SETD5: variants seen among roughly 807,000 people sequenced by gnomAD.
SETD5 encodes SET domain containing 5.
Under a neutral mutation model 153.3 loss-of-function variants are expected in SETD5, and 44 were observed. The ratio of observed to expected loss-of-function variants is 0.29; its 90% CI spans 0.23 to 0.37. The LOEUF is 0.37. Ranked by LOEUF, SETD5 falls within the 10% of genes least tolerant of loss-of-function variation. The pLI, the probability that SETD5 is intolerant of heterozygous loss-of-function variation, is 1.00. For missense variants in SETD5, 1,544 were observed against 1,768.0 expected (o/e 0.87, Z 2.27); for synonymous variants, 716 against 645.2 (o/e 1.11, Z -1.66).
chr3:9,445,965 G>GGTTTTTTTTTTTTTTT (rs2041907619), intron 13 of SETD5, among the ~76,000 whole-genome samples: 1 of 86,476 alleles, frequency 1.2e-5, no homozygotes, highest in African/African-American at 4.7e-5. Context: ...TGAAGAGGTT[G>GGTTTTTTTTTTTTTTT]TTTTTTTTTT....
At chr3:9,415,014 T>C (rs1415871512) in intron 1 of SETD5, among the ~76,000 whole-genome samples, 2 of 152,204 alleles carry the variant, frequency 1.3e-5, no homozygotes, top group African/African-American at 4.8e-5. Context: ...CTCTGTTTAG[T>C]GCTAGAATTC....
Position 9,434,570 on chromosome 3 carries a change from T to G in SETD5, c.329+85T>G. ...GTAGGGAAAAGCTCAAAGTATTCTT[T>G]CTTGTGTTTGTTAATGTAGATGATT... On this transcript the variant is annotated intron_variant, in intron 5 of 22. Transcript: ENST00000402198. The surrounding 1 kb of genome is among the most constrained non-coding windows in gnomAD (Gnocchi z 5.6). 1 of 1,575,996 alleles carries G rather than the reference T, an allele frequency of 6.3e-7. No individual in the cohort carries two copies. The highest frequency in any genetic ancestry group is 8.6e-7 in the Non-Finnish European group (1 of 1,160,682).
chr3:9,477,140 A>T lies in SETD5; in HGVS notation c.*1049A>T, dbSNP rs1016230306. On this transcript the variant is annotated 3_prime_UTR_variant, in exon 23 of 23. Coordinates refer to ENST00000402198, the MANE Select transcript of SETD5 (RefSeq NM_001080517.3). ...GTGATTGTGTGTGGGCCTGCCCCAC[A>T]TTTCTCTGGGGGATGCTTATGTGAG... 1.3e-5 allele frequency: 2 copies of T among 152,642 alleles called. No homozygotes were observed. Among genetic ancestry groups the T allele is most frequent in the Non-Finnish European group, 2.9e-5 (2 of 68,082 alleles). 9.5% of individuals were successfully genotyped at this position (152,642 alleles called of 1,614,324 possible). A position where few individuals can be genotyped will look rare whatever the true frequency, so the allele number is the denominator to read the frequency against.
At chr3:9,433,450 G>A in intron 3 of SETD5, 3 of 1,289,920 alleles carry the variant, frequency 2.3e-6, no homozygotes, top group Non-Finnish European at 3.0e-6. Context: ...CTCACTCACT[G>A]CAAATGTCAT....
intron 1 of SETD5, among the ~76,000 whole-genome samples, chr3:9,412,333 C>T (rs2036688212): frequency 6.7e-6 from 1 of 149,890 alleles, no homozygotes; most frequent in African/African-American, 2.4e-5. Context: ...AGTTATCTTC[C>T]CTTTTCCCCC....
At chr3:9,451,764 C>A (rs981084065) in intron 16 of SETD5, among the ~76,000 whole-genome samples, 5 of 152,160 alleles carry the variant, frequency 3.3e-5, no homozygotes, top group Non-Finnish European at 7.3e-5. Flanking sequence ...AAGTGTCAAG[C>A]CAGGGCTTCT....
intron 17 of SETD5, among the ~76,000 whole-genome samples, chr3:9,462,058 T>C (rs1457640590): frequency 6.6e-6 from 1 of 152,182 alleles, no homozygotes; most frequent in Non-Finnish European, 1.5e-5. Context: ...TTCAATAATT[T>C]TTTGCATTTA....
chr3:9,414,402 T>C (rs1575226206), intron 1 of SETD5, among the ~76,000 whole-genome samples: 1 of 149,226 alleles, frequency 6.7e-6, no homozygotes, highest in Non-Finnish European at 1.5e-5. Flanking sequence ...TGTGTGTTGT[T>C]GTTGTTAAGA....
chr3:9,416,423 G>A (rs2037473846), intron 1 of SETD5, among the ~76,000 whole-genome samples: 1 of 152,146 alleles, frequency 6.6e-6, no homozygotes, highest in South Asian at 2.1e-4. Context: ...TGTCGCAGCT[G>A]TGGGTCATGT....
In SETD5 at chr3:9,448,582, A is replaced by G; in HGVS notation, c.2298A>G (p.Arg766=). The G allele has an allele frequency of 6.2e-7, 1 of 1,610,918 alleles. No homozygotes were observed. The highest frequency in any genetic ancestry group is 8.5e-7 in the Non-Finnish European group (1 of 1,177,808). ...TTGGCTCACCCTTTATCCCTGAGAGACGTCGAAGGCCCCTTCTGCCTGATG... is the reference window on the plus strand; with the variant it reads ...TTGGCTCACCCTTTATCCCTGAGAGGCGTCGAAGGCCCCTTCTGCCTGATG... ...IRFGSPFIPE[R]RRRPLLPDGT... The change falls in exon 16 of 23, where the codon AGA becomes AGG. Residue 766 remains arginine (R), a synonymous_variant. Transcript: ENST00000402198.
intron 16 of SETD5, among the ~76,000 whole-genome samples, chr3:9,450,133 A>G (rs1214060542): frequency 6.6e-6 from 1 of 152,364 alleles, no homozygotes; most frequent in Non-Finnish European, 1.5e-5. Flanking sequence ...CTGTAACTTC[A>G]GATCTGGTAG....
In SETD5 at chr3:9,434,175, A is replaced by G; in HGVS notation, c.178-159A>G. The G allele has an allele frequency of 6.5e-7, 1 of 1,549,690 alleles. No individual in the cohort carries two copies. Among genetic ancestry groups the G allele is most frequent in the Non-Finnish European group, 8.7e-7 (1 of 1,146,220 alleles). On this transcript the variant is annotated intron_variant, in intron 4 of 22. Transcript: ENST00000402198. The surrounding 1 kb of genome is among the most constrained non-coding windows in gnomAD (Gnocchi z 5.6). ...TCACTTTCCTGGTTGAAGCCAAAAA[A>G]CAAAGGGTACTACTTTCTTCTTTCT...
intron 17 of SETD5, among the ~76,000 whole-genome samples, chr3:9,463,526 C>T (rs772827342): frequency 5.3e-5 from 8 of 152,150 alleles, no homozygotes; most frequent in Non-Finnish European, 1.0e-4. Context: ...AGTGTAGTGA[C>T]TTGCTTTTTA....
At chr3:9,402,019 C>G (rs960460929) in intron 1 of SETD5, among the ~76,000 whole-genome samples, 6 of 152,032 alleles carry the variant, frequency 3.9e-5, no homozygotes, top group African/African-American at 1.4e-4. Context: ...TCCTTACTGC[C>G]AAAAATTCCA....
intron 1 of SETD5, among the ~76,000 whole-genome samples, chr3:9,418,707 A>G (rs932550969): frequency 6.6e-6 from 1 of 151,542 alleles, no homozygotes; most frequent in South Asian, 2.1e-4. Context: ...GGAGGCTGAG[A>G]CAAGAGAATT....
chr3:9,439,156 C>T (rs977181568), intron 7 of SETD5, among the ~76,000 whole-genome samples: 2 of 152,308 alleles, frequency 1.3e-5, no homozygotes, highest in Middle Eastern at 3.4e-3. Context: ...TAAGGTTTTG[C>T]ACTATTCTTT....
intron 3 of SETD5, chr3:9,430,839 A>T: frequency 1.0e-6 from 1 of 985,426 alleles, no homozygotes; most frequent in African/African-American, 1.7e-5. Flanking sequence ...TACAAATGTG[A>T]CTGCGCTGTC....
chr3:9,447,037 T>C lies in SETD5; in HGVS notation c.1525-13T>C. On this transcript the variant is annotated splice_polypyrimidine_tract_variant and intron_variant, in intron 13 of 22. Coordinates refer to ENST00000402198, the MANE Select transcript of SETD5 (RefSeq NM_001080517.3). ...TTGAAGCTTCCTTCTACACCAGTACTATCTCTTTCTAGACCAGGGAAGATA... is the reference window on the plus strand; with the variant it reads ...TTGAAGCTTCCTTCTACACCAGTACCATCTCTTTCTAGACCAGGGAAGATA... The C allele has an allele frequency of 6.2e-7, 1 of 1,600,068 alleles. No individual in the cohort carries two copies. The highest frequency in any genetic ancestry group is 8.5e-7 in the Non-Finnish European group (1 of 1,173,280).
intron 1 of SETD5, among the ~76,000 whole-genome samples, chr3:9,418,199 C>A (rs1260938637): frequency 1.4e-5 from 2 of 139,078 alleles, no homozygotes; most frequent in African/African-American, 6.8e-5. Context: ...CCTCCCGCCT[C>A]GGCTTCCCAA....
Sources: allele counts gnomAD v4.1 joint callset (sites outside exome capture counted in the v4.1 genomes callset), GRCh38; gene constraint gnomAD v4.1.1; non-coding constraint Gnocchi (gnomAD v3.1); transcripts MANE v1.5; gene names NCBI Gene and HGNC (gene_info 2026-07-23, HGNC 2026-07-21).